The following PDE4D variants were observed in gnomAD, a reference collection of about 807,000 sequenced individuals.
The protein encoded by PDE4D is phosphodiesterase 4D, also known as 3',5'-cyclic-AMP phosphodiesterase 4D.
A neutral mutation model predicts 87.4 loss-of-function variants in PDE4D; 24 were observed. The observed-to-expected ratio is 0.27, with a 90% confidence interval of 0.20 to 0.39. PDE4D has a LOEUF of 0.39. PDE4D is among the 10% of genes least tolerant of loss of function. The pLI, the probability that PDE4D is intolerant of heterozygous loss-of-function variation, is 1.00. For synonymous variants in PDE4D, 384 were observed against 383.2 expected (o/e 1.00, Z -0.02); for missense variants, 714 against 1,041.0 (o/e 0.69, Z 4.32).
intron 5 of PDE4D, among the ~76,000 whole-genome samples, chr5:59,130,318 A>G (rs1776091319): frequency 6.6e-6 from 1 of 152,186 alleles, no homozygotes; most frequent in Admixed American, 6.5e-5. Context: ...ACACTGAGAT[A>G]AGACGCCAAA....
chr5:60,129,545 C>T (rs1406730889), intron 2 of PDE4D, among the ~76,000 whole-genome samples: 1 of 152,104 alleles, frequency 6.6e-6, no homozygotes, highest in Non-Finnish European at 1.5e-5. Context: ...TGTAAGAGCC[C>T]ATCTAGGTGT....
intron 5 of PDE4D, among the ~76,000 whole-genome samples, chr5:59,053,649 T>TTTTG (rs1561396167): frequency 2.7e-5 from 2 of 73,498 alleles, no homozygotes; most frequent in African/African-American, 1.3e-4. Flanking sequence ...TTTTTTGTTT[T>TTTTG]TTTTTGTTGT....
intron 1 of PDE4D, among the ~76,000 whole-genome samples, chr5:59,357,477 C>T (rs1781574199): frequency 6.6e-6 from 1 of 152,154 alleles, no homozygotes; most frequent in Non-Finnish European, 1.5e-5. Context: ...ACCAGCGCCT[C>T]TCTAAAAGTC....
intron 1 of PDE4D, among the ~76,000 whole-genome samples, chr5:59,248,123 C>CTATTATGT (rs772543886): frequency 7.1e-6 from 1 of 140,546 alleles, no homozygotes; most frequent in Non-Finnish European, 1.5e-5. Flanking sequence ...TGTTCTTGCA[C>CTATTATGT]TATTATGTCA....
intron 3 of PDE4D, among the ~76,000 whole-genome samples, chr5:59,940,027 G>A (rs762675541): frequency 6.6e-5 from 10 of 152,172 alleles, no homozygotes; most frequent in African/African-American, 2.2e-4. Context: ...TCTCTGGAAG[G>A]AAGTCCATAA....
rs1407148943 is a variant in PDE4D at position 59,145,740 on chromosome 5, C to T, written c.808+34855G>A. 5.3e-5 allele frequency among the ~76,000 whole-genome samples: 8 copies of T among 152,066 alleles called. No homozygotes were observed. In the South Asian group the frequency reaches 6.2e-4, roughly 12 times the overall value. On this transcript the variant is annotated intron_variant, in intron 5 of 14. Transcript: ENST00000340635. ...TTTCACCTACATAATTCCATGTCTGCGAAATCATGTGGTGTTTCTAGTGAA... is the reference window on the plus strand; with the variant it reads ...TTTCACCTACATAATTCCATGTCTGTGAAATCATGTGGTGTTTCTAGTGAA...
In PDE4D at chr5:60,361,137, T is replaced by C. The variant is rs115441063; in HGVS notation, c.-90+126805A>G. On this transcript the variant is annotated intron_variant, in intron 1 of 16. Transcript: ENST00000502484. ...TAAGTGAGTGAAGACTTAACAATAA[T>C]TCAGCAAAGCCATACAATGTAGTAT... Among the ~76,000 whole-genome samples the C allele has an allele frequency of 8.4e-4, 128 of 152,304 alleles. 1 individual carries two copies. Among genetic ancestry groups the C allele is most frequent in the African/African-American group, 3.1e-3 (127 of 41,562 alleles).
intron 1 of PDE4D, among the ~76,000 whole-genome samples, chr5:60,384,663 T>C (rs1418235120): frequency 6.6e-6 from 1 of 152,142 alleles, no homozygotes; most frequent in African/African-American, 2.4e-5. Flanking sequence ...TTGTTAAAGG[T>C]TGGTACTCCC....
intron 1 of PDE4D, among the ~76,000 whole-genome samples, chr5:59,447,587 A>C (rs1040129019): frequency 1.3e-5 from 2 of 152,252 alleles, no homozygotes; most frequent in African/African-American, 4.8e-5. Context: ...GCTAAGAAGA[A>C]AAGGAATAGT....
intron 5 of PDE4D, among the ~76,000 whole-genome samples, chr5:59,127,600 TCCCCACCC>T (rs199810523): frequency 1.2e-4 from 12 of 97,076 alleles, no homozygotes; most frequent in Admixed American, 3.1e-4. Flanking sequence ...CTTCTTTCCC[TCCCCACCC>T]CCCCACCCCC....
chr5:59,252,333 A>T (rs574887843), intron 1 of PDE4D, among the ~76,000 whole-genome samples: 1 of 152,240 alleles, frequency 6.6e-6, no homozygotes, highest in African/African-American at 2.4e-5. Flanking sequence ...CAGAGTGCTT[A>T]ATGGCCATAG....
chr5:59,286,426 A>G (rs76039312), intron 1 of PDE4D, among the ~76,000 whole-genome samples: 7,593 of 152,268 alleles, frequency 0.05, 214 homozygotes, highest in African/African-American at 0.066. Context: ...AACCTGGGGA[A>G]AGCATAACCT....
intron 1 of PDE4D, among the ~76,000 whole-genome samples, chr5:59,824,319 T>G (rs1581271016): frequency 6.6e-6 from 1 of 152,334 alleles, no homozygotes; most frequent in African/African-American, 2.4e-5. Context: ...CCACTGGAAC[T>G]GGCCACGTTT....
At chr5:60,223,305 G>A (rs1182293970) in intron 1 of PDE4D, among the ~76,000 whole-genome samples, 1 of 152,042 alleles carries the variant, frequency 6.6e-6, no homozygotes, top group Non-Finnish European at 1.5e-5. Flanking sequence ...CATACCTATC[G>A]ATTAAGTTTG....
intron 5 of PDE4D, among the ~76,000 whole-genome samples, chr5:59,176,379 C>G (rs868477202): frequency 1.6e-4 from 25 of 152,080 alleles, no homozygotes; most frequent in Middle Eastern, 3.4e-3. Flanking sequence ...ACAGTGAAAC[C>G]CTGTCTCTAC....
At chr5:60,442,709 T>C (rs1226486219) in intron 1 of PDE4D, among the ~76,000 whole-genome samples, 1 of 151,700 alleles carries the variant, frequency 6.6e-6, no homozygotes, top group African/African-American at 2.4e-5. Context: ...AACATTGAAA[T>C]GGTTGGCTAT....
chr5:59,626,956 C>T (rs1316364349), intron 1 of PDE4D, among the ~76,000 whole-genome samples: 1 of 152,142 alleles, frequency 6.6e-6, no homozygotes, highest in African/African-American at 2.4e-5. Flanking sequence ...TATAATCCTC[C>T]AATTATAATG....
chr5:59,268,358 C>G (rs1763206745), intron 1 of PDE4D, among the ~76,000 whole-genome samples: 1 of 152,122 alleles, frequency 6.6e-6, no homozygotes, highest in Non-Finnish European at 1.5e-5. Flanking sequence ...TTAGGTCAAA[C>G]TTGACAAAGA....
At chr5:59,785,015 C>A (rs1406601291) in intron 1 of PDE4D, among the ~76,000 whole-genome samples, 2 of 152,144 alleles carry the variant, frequency 1.3e-5, no homozygotes, top group African/African-American at 2.4e-5. Context: ...GTCCCTTAAA[C>A]CTGTTTTTCT....
Sources: gnomAD v4.1 joint callset for allele counts (sites outside exome capture counted in the v4.1 genomes callset) on GRCh38, gnomAD v4.1.1 for gene constraint, MANE v1.5 for transcripts, NCBI Gene and HGNC (gene_info 2026-07-23, HGNC 2026-07-21) for gene names.